SLC4A1: variants seen among roughly 807,000 people sequenced by gnomAD.
The protein encoded by SLC4A1 is solute carrier family 4 member 1 (Diego blood group).
A neutral mutation model predicts 93.1 loss-of-function variants in SLC4A1; 29 were observed. That is an observed-to-expected ratio of 0.31 (90% CI 0.23 to 0.42). SLC4A1 has a LOEUF of 0.42. Ranked by LOEUF, SLC4A1 falls within the 20% of genes least tolerant of loss-of-function variation. The pLI, the probability that SLC4A1 is intolerant of heterozygous loss-of-function variation, is 1.00. For synonymous variants in SLC4A1, 469 were observed against 497.2 expected, an observed-to-expected ratio of 0.94 and a Z score of 0.76; for missense variants, 965 against 1,190.1, an observed-to-expected ratio of 0.81 and a Z score of 2.78.
intron 12 of SLC4A1, 41 bp downstream of exon 12, chr17:44,257,618 C>T (rs756026715): frequency 8.1e-6 from 13 of 1,612,952 alleles, no homozygotes; most frequent in East Asian, 4.5e-5. Flanking sequence ...GCAGGTGGTG[C>T]GGGGGACATG....
intron 13 of SLC4A1, among the ~76,000 whole-genome samples, chr17:44,256,543 G>A (rs561923154): frequency 6.6e-6 from 1 of 152,222 alleles, no homozygotes; most frequent in African/African-American, 2.4e-5. Flanking sequence ...GATGATGGGA[G>A]CCAAGCCAAG....
chr17:44,257,248 T>C, intron 13 of SLC4A1, 102 bp downstream of exon 13: 1 of 1,179,758 alleles, frequency 8.5e-7, no homozygotes, highest in South Asian at 1.2e-5. Flanking sequence ...TGCCTCGGCC[T>C]CCCAAAGTTC....
Position 44,251,454 on chromosome 17 carries a change from G to T in SLC4A1, c.2446C>A (p.Pro816Thr). The change falls in exon 18 of 20, where the codon CCC (proline) becomes ACC (threonine). Residue 816 changes from proline (P) to threonine (T), a missense_variant. This residue lies in a region of SLC4A1 where 770 missense variants were observed against 1,006.6 expected (regional missense o/e 0.76). Coordinates refer to ENST00000262418, the MANE Select transcript of SLC4A1 (RefSeq NM_000342.4). ...FDRILLLFKP[P>T]KYHPDVPYVK... ...TAGGGCACATCTGGGTGATACTTGGGTGGCTTGAACAGAAGCAAGATGCGG... is the reference window on the plus strand; with the variant it reads ...TAGGGCACATCTGGGTGATACTTGGTTGGCTTGAACAGAAGCAAGATGCGG... 1 of 1,614,242 alleles carries T rather than the reference G, an allele frequency of 6.2e-7. No individual in the cohort carries two copies.
At chr17:44,254,453 T>TGCCA in intron 16 of SLC4A1, 43 bp downstream of exon 16, 2 of 1,539,698 alleles carry the variant, frequency 1.3e-6, no homozygotes, top group Non-Finnish European at 1.8e-6. Flanking sequence ...GAAAGGTCCC[T>TGCCA]GCCTCCCACC....
In SLC4A1 at chr17:44,259,935, G is replaced by A; in HGVS notation, c.486-3C>T. The A allele has an allele frequency of 1.2e-6, 2 of 1,613,728 alleles. No individual in the cohort carries two copies. The highest frequency in any genetic ancestry group is 1.7e-6 in the Non-Finnish European group (2 of 1,180,026). On this transcript the variant is annotated splice_region_variant and splice_polypyrimidine_tract_variant and intron_variant, in intron 6 of 19. Coordinates refer to ENST00000262418, the MANE Select transcript of SLC4A1 (RefSeq NM_000342.4). ...GGGCCTCCAGCTCTCCAGCGTGGCT[G>A]CAGGACGTACAGGGGACATGGGCTG...
intron 1 of SLC4A1, among the ~76,000 whole-genome samples, chr17:44,267,480 C>T (rs2047504439): frequency 3.3e-5 from 5 of 152,240 alleles, no homozygotes; most frequent in Admixed American, 3.3e-4. Flanking sequence ...GTCAGACTTG[C>T]CATCTTCATT....
At chr17:44,262,614 T>C (rs56129298) in intron 3 of SLC4A1, 22 bp downstream of exon 3, 6 of 1,580,390 alleles carry the variant, frequency 3.8e-6, no homozygotes, top group Non-Finnish European at 5.2e-6. Context: ...TCATCCCAGC[T>C]GAGGGAGGGA....
At chr17:44,256,588 C>T (rs2047390965) in intron 13 of SLC4A1, among the ~76,000 whole-genome samples, 2 of 152,228 alleles carry the variant, frequency 1.3e-5, no homozygotes, top group South Asian at 2.1e-4. Context: ...CCCTGCAGCT[C>T]TTGAGGACAA....
In SLC4A1 at chr17:44,258,630, G is replaced by T. The variant is rs1463572195; in HGVS notation, c.877-7C>A. ...AGGCATCTATGCGGAACACCTAGGGGCAGGAGACAGGGTCAGAGCTGCCCG... is the reference window on the plus strand; with the variant it reads ...AGGCATCTATGCGGAACACCTAGGGTCAGGAGACAGGGTCAGAGCTGCCCG... On this transcript the variant is annotated splice_region_variant and splice_polypyrimidine_tract_variant and intron_variant, in intron 9 of 19. Transcript: ENST00000262418. This position sits in a 1 kb window ranked among gnomAD's most constrained non-coding sequence, Gnocchi z 6.1. The T allele has an allele frequency of 1.3e-6, 2 of 1,580,110 alleles. No individual in the cohort carries two copies. The highest frequency in any genetic ancestry group is 1.7e-6 in the Non-Finnish European group (2 of 1,164,304).
chr17:44,263,686 C>T (rs1432884394), intron 1 of SLC4A1, among the ~76,000 whole-genome samples: 1 of 141,688 alleles, frequency 7.1e-6, no homozygotes, highest in African/African-American at 2.8e-5. Flanking sequence ...TTTCTTTTCC[C>T]TCCCTCCTTC....
At chr17:44,254,734 G>C in intron 15 of SLC4A1, 72 bp from the exon 16 acceptor site, 1 of 1,452,342 alleles carries the variant, frequency 6.9e-7, no homozygotes, top group Non-Finnish European at 9.5e-7. Context: ...GGAGGAGCCA[G>C]GGTCCTAGGG....
chr17:44,255,409 A>C (rs752772027), intron 14 of SLC4A1, 113 bp from the exon 15 acceptor site: 2 of 823,104 alleles, frequency 2.4e-6, no homozygotes, highest in Admixed American at 4.1e-5. Flanking sequence ...ATCCATCAGC[A>C]TCTAATGCCC....
At chr17:44,259,460 G>A (rs990866590) in intron 8 of SLC4A1, 37 bp downstream of exon 8, 26 of 1,598,590 alleles carry the variant, frequency 1.6e-5, no homozygotes, top group Admixed American at 5.0e-5. Flanking sequence ...AGACACGAGG[G>A]GTGTGGAGGG....
chr17:44,259,054 G>A (rs1202273947), intron 9 of SLC4A1, 109 bp downstream of exon 9: 4 of 1,149,638 alleles, frequency 3.5e-6, no homozygotes, highest in South Asian at 1.3e-5. Flanking sequence ...TAGGCTGAAT[G>A]GGTCAAACCA....
rs751579067 is a variant in SLC4A1, at chr17:44,254,570, G to T, written c.1983C>A (p.Ile661=). Residue 661 remains isoleucine (I), a synonymous_variant, in exon 16 of 20, where the codon ATC becomes ATA. Transcript: ENST00000262418. ...GCAGGGCGGAGGCAAACATCATCCAGATGGGAAACTCGGAACGCAAGCCCA... is the reference window on the plus strand; with the variant it reads ...GCAGGGCGGAGGCAAACATCATCCATATGGGAAACTCGGAACGCAAGCCCA... ...HPLGLRSEFP[I]WMMFASALPA... is the part of the protein sequence containing the mutation. 8.7e-6 allele frequency: 14 copies of T among 1,613,710 alleles called. No homozygotes were observed. The African/African-American group carries it at 1.7e-4, about 20-fold the overall frequency.
intron 1 of SLC4A1, among the ~76,000 whole-genome samples, chr17:44,264,456 G>A (rs1208483130): frequency 1.3e-5 from 2 of 152,114 alleles, no homozygotes; most frequent in Non-Finnish European, 2.9e-5. Flanking sequence ...AGACTCTTTA[G>A]AAGGAAAACA....
chr17:44,259,090 G>T, intron 9 of SLC4A1, 73 bp downstream of exon 9: 1 of 1,490,014 alleles, frequency 6.7e-7, no homozygotes, highest in Non-Finnish European at 9.3e-7. Flanking sequence ...CCCAGGCCAG[G>T]TTGGAGAGCA....
intron 16 of SLC4A1, among the ~76,000 whole-genome samples, chr17:44,253,623 G>A (rs2047362722): frequency 6.6e-6 from 1 of 152,038 alleles, no homozygotes; most frequent in South Asian, 2.1e-4. Context: ...GCTTGTACAG[G>A]CCCCTCCAAG....
chr17:44,251,601 C>A lies in SLC4A1; in HGVS notation c.2312-13G>T. 6.2e-7 allele frequency: 1 copy of A among 1,613,458 alleles called. No homozygotes were observed. Among genetic ancestry groups the A allele is most frequent in the African/African-American group, 1.3e-5 (1 of 74,960 alleles). On this transcript the variant is annotated splice_polypyrimidine_tract_variant and intron_variant, in intron 17 of 19. Coordinates refer to ENST00000262418, the MANE Select transcript of SLC4A1 (RefSeq NM_000342.4). Reference sequence around the variant, plus strand: ...AGGATGGACAGGCCTGTGGGGGAGCCGCACACTCTCAGCCCAGGTTGCCCG... The same window carrying A: ...AGGATGGACAGGCCTGTGGGGGAGCAGCACACTCTCAGCCCAGGTTGCCCG...
Sources: allele counts gnomAD v4.1 joint callset (sites outside exome capture counted in the v4.1 genomes callset), GRCh38; gene constraint gnomAD v4.1.1; regional missense constraint gnomAD v4.1.1; non-coding constraint Gnocchi (gnomAD v3.1); transcripts MANE v1.5; gene names NCBI Gene and HGNC (gene_info 2026-07-23, HGNC 2026-07-21).